Variants in VIT observed in about 807,000 individuals in gnomAD.
VIT encodes the protein vitrin.
VIT carries 99 observed loss-of-function variants against 78.0 expected under a neutral mutation model. That is an observed-to-expected ratio of 1.27 (90% CI 1.08 to 1.50). The LOEUF is 1.50. VIT is among the 40% of genes most tolerant of loss of function. VIT has a pLI of 0.00. For synonymous variants in VIT, 374 were observed against 334.3 expected (o/e 1.12, Z -1.29); for missense variants, 1,126 against 875.3 (o/e 1.29, Z -3.61).
At chr2:36,717,016 A>G (rs1450428469) in intron 2 of VIT, among the ~76,000 whole-genome samples, 1 of 150,722 alleles carries the variant, frequency 6.6e-6, no homozygotes, top group Non-Finnish European at 1.5e-5. Context: ...AGCTGGGATT[A>G]CAGGTGCACG....
At chr2:36,763,244 G>A (rs962778560) in intron 6 of VIT, among the ~76,000 whole-genome samples, 2 of 152,142 alleles carry the variant, frequency 1.3e-5, no homozygotes, top group African/African-American at 4.8e-5. Context: ...CACCTCCAGT[G>A]TGGTTCTAAC....
At chr2:36,784,020 G>A (rs556915485) in intron 11 of VIT, among the ~76,000 whole-genome samples, 3 of 152,248 alleles carry the variant, frequency 2.0e-5, no homozygotes, top group Non-Finnish European at 2.9e-5. Context: ...GCTATGGTTC[G>A]AAACCGAGGC....
intron 1 of VIT, among the ~76,000 whole-genome samples, chr2:36,701,079 A>G (rs1318901830): frequency 6.9e-6 from 1 of 145,398 alleles, no homozygotes; most frequent in Non-Finnish European, 1.5e-5. Flanking sequence ...CTGAAAACAT[A>G]ATTATCAAGC....
At chr2:36,812,799 A>G (rs187177296) in intron 15 of VIT, among the ~76,000 whole-genome samples, 86 of 151,130 alleles carry the variant, frequency 5.7e-4, no homozygotes, top group African/African-American at 2.1e-3. Context: ...TTTCTTTGGC[A>G]TCTTCTTCCC....
chr2:36,776,059 A>C (rs993418945), intron 9 of VIT, among the ~76,000 whole-genome samples: 3 of 152,238 alleles, frequency 2.0e-5, no homozygotes, highest in Non-Finnish European at 2.9e-5. Context: ...TCTCACCTGA[A>C]AATGAATCAC....
chr2:36,702,222 G>A (rs557787419), intron 1 of VIT, among the ~76,000 whole-genome samples: 28 of 152,212 alleles, frequency 1.8e-4, no homozygotes, highest in African/African-American at 6.5e-4. Context: ...AGGCCAGTGT[G>A]TCTGCAGCAA....
chr2:36,763,804 G>C (rs1572496873), intron 6 of VIT, among the ~76,000 whole-genome samples: 3 of 152,084 alleles, frequency 2.0e-5, no homozygotes, highest in South Asian at 2.1e-4. Context: ...GGTCAGGCTG[G>C]TCTCAAACTC....
chr2:36,710,240 T>C (rs141439264), intron 1 of VIT, among the ~76,000 whole-genome samples: 1 of 152,278 alleles, frequency 6.6e-6, no homozygotes, highest in African/African-American at 2.4e-5. Context: ...TTTATTAATA[T>C]TGGATTTATT....
At chr2:36,697,022 T>C (rs1201133608) in intron 1 of VIT, 49 bp downstream of exon 1, 1 of 152,222 alleles carries the variant, frequency 6.6e-6, no homozygotes, top group Non-Finnish European at 1.5e-5. Context: ...TTTCCATTCA[T>C]TATCATTGAA....
At chr2:36,780,968 C>T (rs531749907) in intron 9 of VIT, among the ~76,000 whole-genome samples, 1 of 152,126 alleles carries the variant, frequency 6.6e-6, no homozygotes, top group Non-Finnish European at 1.5e-5. Flanking sequence ...CAAAAAAGAT[C>T]AGAGATTATT....
At chr2:36,709,114 C>T (rs556471806) in intron 1 of VIT, among the ~76,000 whole-genome samples, 1 of 152,280 alleles carries the variant, frequency 6.6e-6, no homozygotes, top group East Asian at 1.9e-4. Context: ...CACGCCACTG[C>T]ACTCCAGCCT....
intron 12 of VIT, among the ~76,000 whole-genome samples, chr2:36,787,537 G>A (rs1190646290): frequency 7.9e-5 from 12 of 152,222 alleles, no homozygotes; most frequent in Admixed American, 7.9e-4. Flanking sequence ...TTATTTGTCT[G>A]GAAAACAGGA....
chr2:36,803,701 G>C (rs1260017389), intron 13 of VIT, among the ~76,000 whole-genome samples: 1 of 152,180 alleles, frequency 6.6e-6, no homozygotes, highest in African/African-American at 2.4e-5. Context: ...GCTCTCATTT[G>C]ACAAGTAAGA....
chr2:36,797,588 A>G (rs537368554), intron 12 of VIT, among the ~76,000 whole-genome samples: 1 of 152,230 alleles, frequency 6.6e-6, no homozygotes, highest in Non-Finnish European at 1.5e-5. Flanking sequence ...GTTTGGAAAT[A>G]TCTAACCTGA....
chr2:36,805,615 C>G lies in VIT; in HGVS notation c.1340C>G (p.Ala447Gly), dbSNP rs374165713. 11 of 1,614,014 alleles carry G rather than the reference C, an allele frequency of 6.8e-6. No individual in the cohort carries two copies. The highest frequency in any genetic ancestry group is 9.3e-6 in the Non-Finnish European group (11 of 1,180,020). Residue 447 changes from alanine (A) to glycine (G), a missense_variant, in exon 14 of 16, where the codon GCT (alanine) becomes GGT (glycine). Ala to Gly is a moderately conservative substitution (Grantham distance 60). Coordinates refer to ENST00000379242, the MANE Select transcript of VIT (RefSeq NM_053276.4). ...INIFFITIEGAAENEKQYVVE... is the reference protein window; with the variant it reads ...INIFFITIEGGAENEKQYVVE... ...ATTTTCTTCATCACCATTGAAGGTG[C>G]TGCTGAAAATGAGAAGCAGTATGTG...
At chr2:36,811,342 T>A (rs7592382) in intron 15 of VIT, among the ~76,000 whole-genome samples, 48,670 of 152,136 alleles carry the variant, frequency 0.32, 9,376 homozygotes, top group African/African-American at 0.55. Context: ...ATCATCACTT[T>A]TTTTTCTAGA....
In VIT at chr2:36,781,781, C is replaced by G; in HGVS notation, c.847+10C>G. 3 of 1,614,130 alleles carry G rather than the reference C, an allele frequency of 1.9e-6. No individual in the cohort carries two copies. Among genetic ancestry groups the G allele is most frequent in the Non-Finnish European group, 2.5e-6 (3 of 1,179,974 alleles). On this transcript the variant is annotated intron_variant, in intron 10 of 15. Transcript: ENST00000379242. ...GTCCTTTTAGATGAAGGTAATTATA[C>G]AGCCCAACCTCTCAGCCACGCGTGG...
At chr2:36,733,109 T>G (rs895987002) in intron 3 of VIT, among the ~76,000 whole-genome samples, 1 of 152,140 alleles carries the variant, frequency 6.6e-6, no homozygotes, top group Non-Finnish European at 1.5e-5. Flanking sequence ...GGAAGTGTCT[T>G]CATGTGGGTT....
chr2:36,754,864 G>A, intron 4 of VIT, 57 bp from the exon 5 acceptor site: 1 of 1,572,934 alleles, frequency 6.4e-7, no homozygotes, highest in Non-Finnish European at 8.6e-7. Flanking sequence ...CTAGCCTGTT[G>A]ATCACGTCAA....
Sources: gnomAD v4.1 joint callset for allele counts (sites outside exome capture counted in the v4.1 genomes callset) on GRCh38, gnomAD v4.1.1 for gene constraint, MANE v1.5 for transcripts, NCBI Gene and HGNC (gene_info 2026-07-23, HGNC 2026-07-21) for gene names.